AZIN2: variants seen among roughly 807,000 people sequenced by gnomAD.
AZIN2 encodes ODC antizyme inhibitor-2.
Under a neutral mutation model 47.8 loss-of-function variants are expected in AZIN2, and 28 were observed. The ratio of observed to expected loss-of-function variants is 0.59; its 90% CI spans 0.43 to 0.80. The LOEUF (loss-of-function observed/expected upper bound fraction) is 0.80, where lower values mean the gene tolerates loss of function less well. Among genes scored for constraint, AZIN2 ranks in the 30% least tolerant of loss-of-function variants. The probability of loss-of-function intolerance (pLI) is 0.00; values close to 1 mark genes in which losing one functional copy is unlikely to be tolerated. For synonymous variants in AZIN2, 221 were observed against 239.4 expected (o/e 0.92, Z 0.71); for missense variants, 535 against 582.5 (o/e 0.92, Z 0.84).
At chr1:33,156,915 C>T in the AZIN2 span, among the ~76,000 whole-genome samples, 23 of 151,986 alleles carry the variant, frequency 1.5e-4, no homozygotes, top group Non-Finnish European at 2.5e-4. Flanking sequence ...AAAATATGTC[C>T]TAAATCCCAC....
downstream of AZIN2, among the ~76,000 whole-genome samples, chr1:33,125,370 A>C (rs1194236979): frequency 6.6e-6 from 1 of 152,184 alleles, no homozygotes; most frequent in Non-Finnish European, 1.5e-5. Flanking sequence ...GCGATGCCAA[A>C]AAAAGCTAAA....
chr1:33,125,421 G>A (rs75852665), downstream of AZIN2, among the ~76,000 whole-genome samples: 3,833 of 152,286 alleles, frequency 0.025, 169 homozygotes, highest in African/African-American at 0.088. Context: ...CTCATCTCAT[G>A]CCACTCTTTT....
chr1:33,147,143 G>A, the AZIN2 span: 3 of 1,598,350 alleles, frequency 1.9e-6, no homozygotes, highest in East Asian at 6.7e-5. This position sits in a 1 kb window ranked among gnomAD's most constrained non-coding sequence, Gnocchi z 8.1. Context: ...AGGTGGCAGT[G>A]GTCCCAGGAG....
the AZIN2 span, among the ~76,000 whole-genome samples, chr1:33,150,880 C>T: frequency 6.6e-5 from 10 of 152,276 alleles, no homozygotes; most frequent in South Asian, 2.1e-4. Context: ...GGCAGAAGAG[C>T]GATGCACAGT....
At chr1:33,114,486 T>A (rs1557721586) in intron 10 of AZIN2, among the ~76,000 whole-genome samples, 1 of 151,268 alleles carries the variant, frequency 6.6e-6, no homozygotes. Flanking sequence ...CCCAAGTAGC[T>A]GGGACTACAG....
chr1:33,123,508 A>G (rs1259828753), downstream of AZIN2, among the ~76,000 whole-genome samples: 1 of 152,224 alleles, frequency 6.6e-6, no homozygotes, highest in East Asian at 1.9e-4. Context: ...CTGTTTACTC[A>G]TTTGTACAAT....
rs1644791606 is a variant in AZIN2, at chr1:33,121,375, C to T, written c.*1193C>T. 6.6e-6 allele frequency among the ~76,000 whole-genome samples: 1 copy of T among 152,084 alleles called. No homozygotes were observed. The highest frequency in any genetic ancestry group is 6.5e-5 in the Admixed American group (1 of 15,276). On this transcript the variant is annotated 3_prime_UTR_variant, in exon 12 of 12. Transcript: ENST00000294517. ...GTCAGGAGTTCGAGACCAGCCTGGC[C>T]AACATGGCAAAACCCCGTCTCTACT...
At chr1:33,159,498 G>A in the AZIN2 span, among the ~76,000 whole-genome samples, 2 of 152,150 alleles carry the variant, frequency 1.3e-5, no homozygotes, top group Non-Finnish European at 2.9e-5. The surrounding 1 kb of genome is among the most constrained non-coding windows in gnomAD (Gnocchi z 4.2). Context: ...TGCTCCTCTA[G>A]TTCAAGCCTC....
chr1:33,101,624 T>C (rs1309838422), intron 10 of AZIN2, among the ~76,000 whole-genome samples: 1 of 152,116 alleles, frequency 6.6e-6, no homozygotes, highest in Non-Finnish European at 1.5e-5. Context: ...AGCATCCTTA[T>C]TATTTAACCT....
the AZIN2 span, among the ~76,000 whole-genome samples, chr1:33,150,845 T>G: frequency 5.9e-5 from 9 of 151,994 alleles, no homozygotes; most frequent in African/African-American, 2.2e-4. Flanking sequence ...GGGATGTGGA[T>G]CACACTCAGG....
At chr1:33,156,448 G>T in the AZIN2 span, among the ~76,000 whole-genome samples, 4 of 152,162 alleles carry the variant, frequency 2.6e-5, no homozygotes, top group African/African-American at 9.7e-5. Context: ...AGCAGCCTTT[G>T]TCACTGTTAG....
At chr1:33,146,896 A>G in the AZIN2 span, 1 of 448,808 alleles carries the variant, frequency 2.2e-6, no homozygotes, top group South Asian at 2.7e-5. Context: ...GAAGATGGGG[A>G]TGAGGGTTGG....
intron 10 of AZIN2, among the ~76,000 whole-genome samples, chr1:33,112,138 A>T (rs1466210342): frequency 2.6e-5 from 4 of 152,140 alleles, no homozygotes; most frequent in African/African-American, 9.7e-5. Context: ...GTTGGTGAGG[A>T]TATGGTGTAG....
chr1:33,136,728 G>A, the AZIN2 span, among the ~76,000 whole-genome samples: 3 of 151,614 alleles, frequency 2.0e-5, no homozygotes, highest in East Asian at 4.0e-4. Context: ...GGCCGGGCAC[G>A]GTGGCTCACG....
chr1:33,097,949 T>C, intron 9 of AZIN2, 118 bp from the exon 10 acceptor site: 1 of 699,562 alleles, frequency 1.4e-6, no homozygotes, highest in South Asian at 1.7e-5. Flanking sequence ...AGGCCTCGCC[T>C]CATGGTTGAG....
chr1:33,138,923 C>G, the AZIN2 span, among the ~76,000 whole-genome samples: 1 of 152,098 alleles, frequency 6.6e-6, no homozygotes, highest in Non-Finnish European at 1.5e-5. Flanking sequence ...CCACAGAACA[C>G]ATAGAAAGAT....
At chr1:33,147,779 C>G in the AZIN2 span, 2 of 1,569,654 alleles carry the variant, frequency 1.3e-6, no homozygotes, top group Non-Finnish European at 1.7e-6. The surrounding 1 kb of genome is among the most constrained non-coding windows in gnomAD (Gnocchi z 8.1). Flanking sequence ...GGCTGTGGAC[C>G]CACCATGCAG....
At chr1:33,085,554 G>A (rs758463056) in intron 5 of AZIN2, among the ~76,000 whole-genome samples, 6 of 152,120 alleles carry the variant, frequency 3.9e-5, no homozygotes, top group Non-Finnish European at 4.4e-5. Context: ...TAATGGTTGC[G>A]TAATATGGCT....
At chr1:33,114,098 T>C (rs1365015563) in intron 10 of AZIN2, among the ~76,000 whole-genome samples, 1 of 152,010 alleles carries the variant, frequency 6.6e-6, no homozygotes, top group Non-Finnish European at 1.5e-5. Context: ...TTTTAAAATA[T>C]TTTTGTACGA....
Sources: allele counts gnomAD v4.1 joint callset (sites outside exome capture counted in the v4.1 genomes callset), GRCh38; gene constraint gnomAD v4.1.1; non-coding constraint Gnocchi (gnomAD v3.1); transcripts MANE v1.5; gene names NCBI Gene and HGNC (gene_info 2026-07-23, HGNC 2026-07-21).